ARL15: variants seen among roughly 807,000 people sequenced by gnomAD.
ARL15 encodes the protein ADP-ribosylation factor-like protein 15.
ARL15 carries 19 observed loss-of-function variants against 25.2 expected under a neutral mutation model. That is an observed-to-expected ratio of 0.75 (90% confidence interval 0.53 to 1.10). The LOEUF (loss-of-function observed/expected upper bound fraction) is 1.10. ARL15 is among the 50% of genes least tolerant of loss of function. The pLI, the probability that ARL15 is intolerant of heterozygous loss-of-function variation, is 0.00. For missense variants in ARL15, 220 were observed against 246.0 expected (o/e 0.89, Z 0.71); for synonymous variants, 94 against 86.8 (o/e 1.08, Z -0.46).
intron 4 of ARL15, among the ~76,000 whole-genome samples, chr5:53,926,302 G>GTT (rs1484128787): frequency 6.6e-6 from 1 of 152,108 alleles, no homozygotes; most frequent in Non-Finnish European, 1.5e-5. Context: ...GGGCCATCTG[G>GTT]TGAGAACTGG....
At chr5:53,962,891 T>A (rs1029209815) in intron 4 of ARL15, among the ~76,000 whole-genome samples, 2 of 152,132 alleles carry the variant, frequency 1.3e-5, no homozygotes, top group Admixed American at 1.3e-4. Flanking sequence ...GTGAGGGCTG[T>A]AAAACTAATC....
At chr5:54,057,442 G>T (rs918797661) in intron 4 of ARL15, among the ~76,000 whole-genome samples, 6 of 152,184 alleles carry the variant, frequency 3.9e-5, no homozygotes, top group African/African-American at 1.4e-4. Flanking sequence ...TGTTTAAAAA[G>T]TACCATCATG....
intron 4 of ARL15, among the ~76,000 whole-genome samples, chr5:53,965,502 G>T (rs1022015320): frequency 6.6e-6 from 1 of 152,178 alleles, no homozygotes; most frequent in Non-Finnish European, 1.5e-5. Flanking sequence ...CCTGAGGTGG[G>T]GGGGACTTGT....
chr5:53,964,579 C>T (rs998972098), intron 4 of ARL15, among the ~76,000 whole-genome samples: 1 of 152,144 alleles, frequency 6.6e-6, no homozygotes, highest in Non-Finnish European at 1.5e-5. Context: ...CCAGGATGGT[C>T]TTGATCTCCT....
chr5:54,162,244 A>G (rs569277004), intron 2 of ARL15, among the ~76,000 whole-genome samples: 2 of 152,016 alleles, frequency 1.3e-5, no homozygotes, highest in Middle Eastern at 3.2e-3. Context: ...CTTTCACTAT[A>G]ATGAACACAC....
chr5:54,267,906 T>G (rs1757672239), intron 1 of ARL15, among the ~76,000 whole-genome samples: 1 of 151,974 alleles, frequency 6.6e-6, no homozygotes, highest in Non-Finnish European at 1.5e-5. Flanking sequence ...TAACATTTTT[T>G]CCTTCATTTC....
At chr5:54,111,641 G>A (rs1363242728) in intron 4 of ARL15, among the ~76,000 whole-genome samples, 1 of 152,018 alleles carries the variant, frequency 6.6e-6, no homozygotes, top group Non-Finnish European at 1.5e-5. Flanking sequence ...GTTATCTGAA[G>A]TTAAAATGGC....
intron 1 of ARL15, among the ~76,000 whole-genome samples, chr5:54,302,680 A>C (rs1443818606): frequency 9.4e-6 from 1 of 106,784 alleles, no homozygotes; most frequent in Non-Finnish European, 1.8e-5. Context: ...TTCTAAAATT[A>C]AGATTTTTTT....
intron 1 of ARL15, among the ~76,000 whole-genome samples, chr5:54,190,577 T>C (rs959817418): frequency 2.6e-5 from 4 of 152,136 alleles, no homozygotes; most frequent in Non-Finnish European, 4.4e-5. Flanking sequence ...TTCTGCTACA[T>C]CTTCACATGG....
chr5:54,267,663 G>C (rs1322620204), intron 1 of ARL15, among the ~76,000 whole-genome samples: 3 of 151,970 alleles, frequency 2.0e-5, no homozygotes, highest in African/African-American at 7.2e-5. Context: ...AACAAGCCTG[G>C]TGGTGACAAA....
intron 1 of ARL15, among the ~76,000 whole-genome samples, chr5:54,224,709 A>C (rs769902030): frequency 1.3e-5 from 2 of 152,118 alleles, no homozygotes; most frequent in Non-Finnish European, 2.9e-5. Context: ...AAGGGAGAGA[A>C]TATTCATTTT....
chr5:54,065,105 G>A (rs188777095), intron 4 of ARL15, among the ~76,000 whole-genome samples: 1 of 152,250 alleles, frequency 6.6e-6, no homozygotes, highest in Admixed American at 6.5e-5. Context: ...GCTATTTCTA[G>A]CTACAGCCAC....
At chr5:53,965,015 T>A (rs1747503300) in intron 4 of ARL15, among the ~76,000 whole-genome samples, 1 of 152,218 alleles carries the variant, frequency 6.6e-6, no homozygotes, top group Admixed American at 6.5e-5. Context: ...GGCCTGCCAA[T>A]TTGCAAAACA....
chr5:54,074,674 T>C (rs922909211), intron 4 of ARL15, among the ~76,000 whole-genome samples: 2 of 152,202 alleles, frequency 1.3e-5, no homozygotes, highest in African/African-American at 4.8e-5. Context: ...TCAGTTTCTA[T>C]TATTCAAGTC....
intron 1 of ARL15, among the ~76,000 whole-genome samples, chr5:54,276,281 C>T (rs926277686): frequency 6.6e-6 from 1 of 152,084 alleles, no homozygotes; most frequent in Non-Finnish European, 1.5e-5. Context: ...ACAATAAATG[C>T]TTATGTTGGA....
intron 1 of ARL15, among the ~76,000 whole-genome samples, chr5:54,197,421 T>C (rs910033802): frequency 1.3e-5 from 2 of 152,138 alleles, no homozygotes; most frequent in African/African-American, 2.4e-5. Flanking sequence ...CACACTAGCT[T>C]GGAAGATAAT....
intron 4 of ARL15, among the ~76,000 whole-genome samples, chr5:54,037,048 A>G (rs1750189739): frequency 6.6e-6 from 1 of 152,058 alleles, no homozygotes; most frequent in South Asian, 2.1e-4. Context: ...AATGTCTTAT[A>G]CAGGTTTTTA....
intron 4 of ARL15, among the ~76,000 whole-genome samples, chr5:53,957,866 A>T (rs1162405250): frequency 6.6e-6 from 1 of 152,090 alleles, no homozygotes; most frequent in East Asian, 1.9e-4. Flanking sequence ...TATAAAAGCT[A>T]GTATATATTT....
chr5:53,936,955 C>A (rs1041099937), intron 4 of ARL15, among the ~76,000 whole-genome samples: 1 of 152,224 alleles, frequency 6.6e-6, no homozygotes, highest in South Asian at 2.1e-4. Context: ...AGGATAGAAA[C>A]TGTTCCTCCT....
Sources: gnomAD v4.1 joint callset for allele counts (sites outside exome capture counted in the v4.1 genomes callset) on GRCh38, gnomAD v4.1.1 for gene constraint, MANE v1.5 for transcripts, NCBI Gene and HGNC (gene_info 2026-07-23, HGNC 2026-07-21) for gene names.